The following PHF24 variants were observed in gnomAD, a reference collection of about 807,000 sequenced individuals.
PHF24 encodes PHD finger protein 24.
PHF24 carries 25 observed loss-of-function variants against 42.6 expected under a neutral mutation model. That is an observed-to-expected ratio of 0.59 (90% CI 0.43 to 0.82). PHF24 has a LOEUF of 0.82. Ranked by LOEUF, PHF24 falls within the 40% of genes least tolerant of loss-of-function variation. PHF24 has a pLI of 0.00. For synonymous variants in PHF24, 185 were observed against 204.8 expected (o/e 0.90, Z 0.83); for missense variants, 470 against 538.1 (o/e 0.87, Z 1.25).
At chr9:34,710,513 G>A in the PHF24 span, among the ~76,000 whole-genome samples, 1 of 142,842 alleles carries the variant, frequency 7.0e-6, no homozygotes, top group African/African-American at 2.6e-5. Flanking sequence ...CTGTCACCCA[G>A]GCTGGAGTGC....
At chr9:34,967,046 T>C (rs1826799692) in intron 1 of PHF24, among the ~76,000 whole-genome samples, 1 of 150,440 alleles carries the variant, frequency 6.6e-6, no homozygotes, top group African/African-American at 2.4e-5. Context: ...CTAGCTAAAT[T>C]TTTTTTTTTT....
chr9:34,666,008 G>A, the PHF24 span: 2 of 367,788 alleles, frequency 5.4e-6, no homozygotes, highest in East Asian at 5.7e-5. Context: ...GGTCAGCGCA[G>A]CCTAAACTCC....
chr9:34,909,765 GCA>G, the PHF24 span, among the ~76,000 whole-genome samples: 12 of 152,202 alleles, frequency 7.9e-5, no homozygotes, highest in Admixed American at 6.5e-4. Flanking sequence ...GGGACTACAG[GCA>G]TCCGCCACCA....
At chr9:34,893,643 T>C in the PHF24 span, among the ~76,000 whole-genome samples, 1 of 151,822 alleles carries the variant, frequency 6.6e-6, no homozygotes, top group East Asian at 1.9e-4. Context: ...AAAAAGCCAT[T>C]TGGCAAGGTG....
At chr9:34,922,302 C>T in the PHF24 span, 1 of 1,592,412 alleles carries the variant, frequency 6.3e-7, no homozygotes. Context: ...TGACTCTTCA[C>T]TTAATGTATC....
At chr9:34,835,238 A>G in the PHF24 span, 1 of 1,552,270 alleles carries the variant, frequency 6.4e-7, no homozygotes. Context: ...CTGGAGGGAA[A>G]TGGTCTCAGA....
chr9:34,667,375 CAGAG>C, the PHF24 span, among the ~76,000 whole-genome samples: 70 of 152,314 alleles, frequency 4.6e-4, no homozygotes, highest in African/African-American at 1.6e-3. Context: ...AGAGAGCAGA[CAGAG>C]AGATCCATGG....
At chr9:34,833,079 C>T in the PHF24 span, 1 of 1,519,310 alleles carries the variant, frequency 6.6e-7, no homozygotes, top group East Asian at 2.6e-5. Context: ...GGGCGTCTCT[C>T]TTCTCTGGTT....
chr9:34,796,738 GTAAAATAGTT>G, the PHF24 span, among the ~76,000 whole-genome samples: 2 of 152,204 alleles, frequency 1.3e-5, no homozygotes, highest in Admixed American at 1.3e-4. Context: ...CAGCCACTCT[GTAAAATAGTT>G]TGGTAGTTTC....
the PHF24 span, among the ~76,000 whole-genome samples, chr9:34,949,160 A>C: frequency 6.6e-6 from 1 of 152,250 alleles, no homozygotes; most frequent in Non-Finnish European, 1.5e-5. Flanking sequence ...TGACACTATC[A>C]ACCCATTTGA....
chr9:34,915,035 T>C, the PHF24 span, among the ~76,000 whole-genome samples: 2 of 138,742 alleles, frequency 1.4e-5, no homozygotes, highest in African/African-American at 2.7e-5. Flanking sequence ...TCTTTTTTTT[T>C]TTTTTTTTTT....
the PHF24 span, among the ~76,000 whole-genome samples, chr9:34,942,854 TG>T: frequency 1.3e-5 from 2 of 150,580 alleles, no homozygotes; most frequent in Non-Finnish European, 3.0e-5. Flanking sequence ...TGTCATGGGA[TG>T]GGGGGCAGGG....
intron 3 of PHF24, among the ~76,000 whole-genome samples, chr9:34,975,639 AC>A (rs2132925714): frequency 6.6e-6 from 1 of 152,160 alleles, no homozygotes; most frequent in African/African-American, 2.4e-5. Context: ...ATCTTTTAAA[AC>A]CATTCTGGGG....
At chr9:34,930,854 C>T in the PHF24 span, among the ~76,000 whole-genome samples, 2 of 152,170 alleles carry the variant, frequency 1.3e-5, no homozygotes, top group Non-Finnish European at 2.9e-5. Context: ...TGGGAAACTG[C>T]ATCCCAGTTT....
chr9:34,771,879 A>G, the PHF24 span, among the ~76,000 whole-genome samples: 3 of 152,202 alleles, frequency 2.0e-5, no homozygotes, highest in African/African-American at 7.2e-5. Context: ...CTTCAGTCAA[A>G]CAGATCAATA....
the PHF24 span, chr9:34,710,182 A>G: frequency 2.7e-6 from 2 of 744,916 alleles, no homozygotes; most frequent in African/African-American, 1.8e-5. Context: ...AGACACTTTC[A>G]CTTCCCTTAA....
the PHF24 span, among the ~76,000 whole-genome samples, chr9:34,924,166 TTGA>T: frequency 1.3e-5 from 2 of 152,262 alleles, no homozygotes; most frequent in Non-Finnish European, 2.9e-5. Flanking sequence ...TAGAAGATAC[TTGA>T]TATTATTTCA....
the PHF24 span, among the ~76,000 whole-genome samples, chr9:34,855,073 T>G: frequency 6.6e-6 from 1 of 152,216 alleles, no homozygotes; most frequent in African/African-American, 2.4e-5. Context: ...TAAAGTCTGT[T>G]TTGTCAGAAA....
chr9:34,847,330 G>A, the PHF24 span, among the ~76,000 whole-genome samples: 54,496 of 151,990 alleles, frequency 0.36, 10,132 homozygotes, highest in East Asian at 0.66. Context: ...CTTGTAAGTT[G>A]GATTCCTAGG....
Sources: allele counts gnomAD v4.1 joint callset (sites outside exome capture counted in the v4.1 genomes callset), GRCh38; gene constraint gnomAD v4.1.1; transcripts MANE v1.5; gene names NCBI Gene and HGNC (gene_info 2026-07-23, HGNC 2026-07-21).